The following UNC119B variants were observed in gnomAD, a reference collection of about 807,000 sequenced individuals.
UNC119B encodes protein unc-119 homolog B.
Under a neutral mutation model 23.4 loss-of-function variants are expected in UNC119B, and 16 were observed. The ratio of observed to expected loss-of-function variants is 0.68; its 90% CI spans 0.46 to 1.04. UNC119B has a LOEUF of 1.04. Ranked by LOEUF, UNC119B falls within the 50% of genes least tolerant of loss-of-function variation. The pLI is 0.00. For synonymous variants in UNC119B, 144 were observed against 145.4 expected (o/e 0.99, Z 0.07); for missense variants, 350 against 361.3 (o/e 0.97, Z 0.25).
chr12:120,713,347 A>G lies in UNC119B; in HGVS notation c.318A>G (p.Thr106=). The stretch of plus-strand genomic sequence containing the variant: ...GCTTCAAAATTCGAGATTTGGAGAC[A>G]GGGACAGTACTTTTTGAGATTGCCA... The part of the protein sequence containing the change: ...FTRFKIRDLE[T]GTVLFEIAKP... Residue 106 remains threonine, a synonymous_variant, in exon 2 of 5, where the codon ACA becomes ACG. Coordinates refer to ENST00000344651, the MANE Select transcript of UNC119B (RefSeq NM_001080533.3). The G allele has an allele frequency of 6.2e-7, 1 of 1,614,180 alleles. No homozygotes were observed. Among genetic ancestry groups the G allele is most frequent in the Non-Finnish European group, 8.5e-7 (1 of 1,179,994 alleles).
At position 120,720,305 on chromosome 12, in the gene UNC119B, A is replaced by T. The variant is rs1324716124; in HGVS notation, c.*273A>T. The T allele has an allele frequency of 5.7e-6, 2 of 352,556 alleles. No individual in the cohort carries two copies. Among genetic ancestry groups the T allele is most frequent in the Non-Finnish European group, 1.0e-5 (2 of 195,512 alleles). The allele number at this position is 352,556 out of a possible 1,614,324, so 21.8% of individuals were successfully genotyped here. A position where few individuals can be genotyped will look rare whatever the true frequency, so the allele number is the denominator to read the frequency against. On this transcript the variant is annotated 3_prime_UTR_variant, in exon 5 of 5. Transcript: ENST00000344651. ...AGGATAAGGGTCCTGGAATCCAGATAAAAAAGTTTATTTTCCGTAGTTCTG... is the reference window on the plus strand; with the variant it reads ...AGGATAAGGGTCCTGGAATCCAGATTAAAAAGTTTATTTTCCGTAGTTCTG...
chr12:120,713,613 G>C (rs955209952), intron 2 of UNC119B, among the ~76,000 whole-genome samples: 1 of 152,216 alleles, frequency 6.6e-6, no homozygotes, highest in East Asian at 1.9e-4. Flanking sequence ...CCACGTCTTT[G>C]TGCACATCAG....
chr12:120,719,829 G>T, intron 4 of UNC119B, 91 bp from the exon 5 acceptor site: 2 of 832,310 alleles, frequency 2.4e-6, no homozygotes, highest in East Asian at 2.5e-5. Flanking sequence ...GCTTATTTTG[G>T]AGGGGATGCA....
intron 4 of UNC119B, among the ~76,000 whole-genome samples, chr12:120,717,732 T>G (rs1190830780): frequency 6.6e-6 from 1 of 151,476 alleles, no homozygotes; most frequent in Non-Finnish European, 1.5e-5. Context: ...CCGGCTAATT[T>G]TTTGTATTTT....
At chr12:120,715,895 G>A (rs1882770821) in intron 2 of UNC119B, among the ~76,000 whole-genome samples, 1 of 152,150 alleles carries the variant, frequency 6.6e-6, no homozygotes, top group Admixed American at 6.5e-5. Context: ...CCGGAGACCA[G>A]CATTAACCTT....
rs1417424723 is a variant in UNC119B, at chr12:120,710,584, G to A, written c.110G>A (p.Arg37His). The A allele has an allele frequency of 4.2e-6, 6 of 1,425,672 alleles. No homozygotes were observed. Among genetic ancestry groups the A allele is most frequent in the Non-Finnish European group, 5.5e-6 (6 of 1,095,016 alleles). The allele number at this position is 1,425,672 out of a possible 1,614,324, so 88.3% of individuals were successfully genotyped here. A position where few individuals can be genotyped will look rare whatever the true frequency, so the allele number is the denominator to read the frequency against. ...AAGGCGGGCGGCGGCGTCCTGAACC[G>A]CCTGAAGGCGCGGCGGCAGGCGCCC... is the stretch of plus-strand genomic sequence containing the variant. ...KKKAGGGVLN[R>H]LKARRQAPHH... The change falls in exon 1 of 5, where the codon CGC becomes CAC. Residue 37 changes from arginine to histidine, a missense_variant. Physicochemically the swap from Arg to His is conservative, Grantham distance 29. Coordinates refer to ENST00000344651, the MANE Select transcript of UNC119B (RefSeq NM_001080533.3).
At chr12:120,715,784 C>T (rs935738104) in intron 2 of UNC119B, among the ~76,000 whole-genome samples, 5 of 152,134 alleles carry the variant, frequency 3.3e-5, no homozygotes, top group African/African-American at 1.2e-4. Context: ...CCGCCTACCT[C>T]GGCCTCCAAA....
chr12:120,713,714 T>C (rs1173340742), intron 2 of UNC119B, among the ~76,000 whole-genome samples: 1 of 152,200 alleles, frequency 6.6e-6, no homozygotes, highest in Non-Finnish European at 1.5e-5. Context: ...GGCGGCTCTT[T>C]CCTAAGGCCC....
intron 1 of UNC119B, 74 bp downstream of exon 1, chr12:120,710,792 C>T: frequency 8.0e-7 from 1 of 1,257,448 alleles, no homozygotes; most frequent in Non-Finnish European, 1.0e-6. Context: ...GACCCGGCCA[C>T]TTGACCAGCG....
rs1566021193 is a variant in UNC119B, at chr12:120,720,725, A to C, written c.*693A>C. ...CAGCCTGGCAGTGCCTTCTGTTCCCATTTTGGAGGACAGACAAGCTTGCTC... is the reference window on the plus strand; with the variant it reads ...CAGCCTGGCAGTGCCTTCTGTTCCCCTTTTGGAGGACAGACAAGCTTGCTC... On this transcript the variant is annotated 3_prime_UTR_variant, in exon 5 of 5. Transcript: ENST00000344651. 1.3e-5 allele frequency: 2 copies of C among 152,390 alleles called. No homozygotes were observed. Among genetic ancestry groups the C allele is most frequent in the East Asian group, 3.9e-4 (2 of 5,188 alleles). 9.4% of individuals were successfully genotyped at this position (152,390 alleles called of 1,614,324 possible).
chr12:120,715,270 T>G (rs1408223069), intron 2 of UNC119B, among the ~76,000 whole-genome samples: 1 of 152,220 alleles, frequency 6.6e-6, no homozygotes, highest in African/African-American at 2.4e-5. Context: ...TCTGATGAAT[T>G]TGAATCCCCA....
At position 120,714,210 on chromosome 12, in the gene UNC119B, G is replaced by A. The variant is rs115485701; in HGVS notation, c.358+823G>A. On this transcript the variant is annotated intron_variant, in intron 2 of 4. Coordinates refer to ENST00000344651, the MANE Select transcript of UNC119B (RefSeq NM_001080533.3). ...GAGCCTGCAAATTTGATAAGGCCCC[G>A]ATTTCACCCCTACCTGGTGGTATTT... 6.2e-3 allele frequency among the ~76,000 whole-genome samples: 949 copies of A among 152,262 alleles called. 12 individuals carry two copies. The highest frequency in any genetic ancestry group is 0.021 in the African/African-American group (868 of 41,544).
chr12:120,710,481 G>C lies in UNC119B; in HGVS notation c.7G>C (p.Gly3Arg), dbSNP rs377675449. MS[G>R]SNPKAAAAAS... is the part of the protein sequence containing the mutation. ...CCATCTTGGCGGCGGAGCGATGAGC[G>C]GGTCTAACCCGAAGGCTGCGGCCGC... The change falls in exon 1 of 5, where the codon GGG (glycine) becomes CGG (arginine). Residue 3 changes from glycine (G) to arginine (R), a missense_variant. Physicochemically the swap from Gly to Arg is moderately radical, Grantham distance 125. Coordinates refer to ENST00000344651, the MANE Select transcript of UNC119B (RefSeq NM_001080533.3). 48 of 1,295,924 alleles carry C rather than the reference G, an allele frequency of 3.7e-5. No homozygotes were observed. The highest frequency in any genetic ancestry group is 4.6e-5 in the Non-Finnish European group (47 of 1,023,270). The allele number at this position is 1,295,924 out of a possible 1,614,324, so 80.3% of individuals were successfully genotyped here. A position where few individuals can be genotyped will look rare whatever the true frequency, so the allele number is the denominator to read the frequency against.
chr12:120,711,726 G>A (rs1187431173), intron 1 of UNC119B: 3 of 152,282 alleles, frequency 2.0e-5, no homozygotes, highest in African/African-American at 7.2e-5. Context: ...TGCTATAGCA[G>A]GCAGCCCAGG....
chr12:120,712,241 T>G (rs544946230), intron 1 of UNC119B, among the ~76,000 whole-genome samples: 1 of 152,238 alleles, frequency 6.6e-6, no homozygotes, highest in Non-Finnish European at 1.5e-5. Flanking sequence ...GTTCATTCTA[T>G]CCAGCAGATT....
chr12:120,717,347 G>A (rs1882804305), intron 4 of UNC119B, among the ~76,000 whole-genome samples: 2 of 152,070 alleles, frequency 1.3e-5, no homozygotes, highest in African/African-American at 2.4e-5. Flanking sequence ...TCGGCTCACT[G>A]TAACCTCTGC....
At position 120,720,966 on chromosome 12, in the gene UNC119B, C is replaced by T. The variant is rs765529607; in HGVS notation, c.*934C>T. ...ATAGTATCAGCTTCCAGGGGCTAAT[C>T]TGGCTTATGTTGGGAGGATATGCTT... On this transcript the variant is annotated 3_prime_UTR_variant, in exon 5 of 5. Transcript: ENST00000344651. The T allele has an allele frequency of 1.1e-4, 16 of 152,188 alleles. No homozygotes were observed. Among genetic ancestry groups the T allele is most frequent in the Non-Finnish European group, 1.8e-4 (12 of 68,054 alleles). The allele number at this position is 152,188 out of a possible 1,614,324, so 9.4% of individuals were successfully genotyped here. A position where few individuals can be genotyped will look rare whatever the true frequency, so the allele number is the denominator to read the frequency against.
Position 120,716,666 on chromosome 12 carries a change from G to T in UNC119B, c.397G>T (p.Asp133Tyr). 1 of 1,614,214 alleles carries T rather than the reference G, an allele frequency of 6.2e-7. No individual in the cohort carries two copies. Among genetic ancestry groups the T allele is most frequent in the Non-Finnish European group, 8.5e-7 (1 of 1,180,034 alleles). The part of the protein sequence containing the change: ...EDEEEGGGDV[D>Y]ISAGRFVRYQ... ...TGAGGAGGAGGGAGGTGGAGACGTG[G>T]ACATCAGCGCAGGACGTTTTGTCCG... The change falls in exon 3 of 5, where the codon GAC becomes TAC. Residue 133 changes from aspartate to tyrosine, a missense_variant. By Grantham distance (160) the Asp-to-Tyr change is radical. Coordinates refer to ENST00000344651, the MANE Select transcript of UNC119B (RefSeq NM_001080533.3).
At chr12:120,711,812 T>G (rs1034821677) in intron 1 of UNC119B, 2 of 152,270 alleles carry the variant, frequency 1.3e-5, no homozygotes, top group Non-Finnish European at 1.5e-5. Context: ...GAGTAGGCCT[T>G]GGTCCACCCT....
Sources: gnomAD v4.1 joint callset for allele counts (sites outside exome capture counted in the v4.1 genomes callset) on GRCh38, gnomAD v4.1.1 for gene constraint, MANE v1.5 for transcripts, NCBI Gene and HGNC (gene_info 2026-07-23, HGNC 2026-07-21) for gene names.